The following PARD3 variants were observed in gnomAD, a reference collection of about 807,000 sequenced individuals.
The protein encoded by PARD3 is partitioning defective 3 homolog.
Under a neutral mutation model 155.4 loss-of-function variants are expected in PARD3, and 75 were observed. That is an observed-to-expected ratio of 0.48 (90% CI 0.40 to 0.58). The LOEUF (loss-of-function observed/expected upper bound fraction) is 0.58. Ranked by LOEUF, PARD3 falls within the 20% of genes least tolerant of loss-of-function variation. PARD3 has a pLI of 0.00. For missense variants in PARD3, 1,642 were observed against 1,721.7 expected, an observed-to-expected ratio of 0.95 and a Z score of 0.82; for synonymous variants, 576 against 610.5, an observed-to-expected ratio of 0.94 and a Z score of 0.83.
chr10:34,663,270 C>A (rs1299033028), intron 2 of PARD3, among the ~76,000 whole-genome samples: 4 of 152,044 alleles, frequency 2.6e-5, no homozygotes, highest in Non-Finnish European at 5.9e-5. Context: ...TCAAGACCAG[C>A]CCGGGCAACA....
chr10:34,618,512 C>T (rs2091419085), intron 2 of PARD3, among the ~76,000 whole-genome samples: 1 of 152,018 alleles, frequency 6.6e-6, no homozygotes. Flanking sequence ...AAAGTGACAT[C>T]TCCAAAAACA....
At chr10:34,756,475 T>TAA (rs1491173886) in intron 1 of PARD3, among the ~76,000 whole-genome samples, 2 of 83,770 alleles carry the variant, frequency 2.4e-5, no homozygotes, top group African/African-American at 4.5e-5. Flanking sequence ...TTTTTTTTCT[T>TAA]ATAAAAAAAA....
intron 16 of PARD3, among the ~76,000 whole-genome samples, chr10:34,339,548 C>T: frequency 6.6e-6 from 1 of 152,190 alleles, no homozygotes; most frequent in East Asian, 1.9e-4. Flanking sequence ...TTTATATCCT[C>T]TAAAATTATG....
chr10:34,119,732 T>G lies in PARD3; in HGVS notation c.3549A>C (p.Ala1183=). ...TYSFEQPWPN[A]RPATQSGRHS... is the part of the protein sequence containing the mutation. ...GTCGCCCGCTCTGCGTCGCCGGCCGTGCGTTCGGCTGGAAGAGGAAAATAC... is the reference window on the plus strand; with the variant it reads ...GTCGCCCGCTCTGCGTCGCCGGCCGGGCGTTCGGCTGGAAGAGGAAAATAC... The change falls in exon 24 of 25, where the codon GCA becomes GCC. Residue 1183 remains alanine (A), a synonymous_variant. Coordinates refer to ENST00000374788, the MANE Select transcript of PARD3 (RefSeq NM_001184785.2). 1 of 1,610,976 alleles carries G rather than the reference T, an allele frequency of 6.2e-7. No homozygotes were observed. Among genetic ancestry groups the G allele is most frequent in the Non-Finnish European group, 8.5e-7 (1 of 1,177,880 alleles).
chr10:34,489,203 T>C (rs568725480), intron 3 of PARD3, among the ~76,000 whole-genome samples: 2 of 152,216 alleles, frequency 1.3e-5, no homozygotes, highest in East Asian at 3.9e-4. Flanking sequence ...TTGGGCGTGG[T>C]GGTGCATGCC....
At chr10:34,450,092 T>G (rs1408606396) in intron 5 of PARD3, among the ~76,000 whole-genome samples, 1 of 152,214 alleles carries the variant, frequency 6.6e-6, no homozygotes, top group East Asian at 1.9e-4. Flanking sequence ...CAGAATGTAC[T>G]GCAAATATTC....
intron 2 of PARD3, among the ~76,000 whole-genome samples, chr10:34,538,370 G>A (rs1021357122): frequency 5.3e-5 from 8 of 152,204 alleles, no homozygotes; most frequent in Non-Finnish European, 1.0e-4. Context: ...AAATTTACCA[G>A]CTGAAATCCT....
intron 5 of PARD3, among the ~76,000 whole-genome samples, chr10:34,431,075 A>T (rs539316664): frequency 6.6e-6 from 1 of 152,336 alleles, no homozygotes; most frequent in East Asian, 1.9e-4. Context: ...TGACCATTTT[A>T]GCCCAGGTTG....
intron 7 of PARD3, among the ~76,000 whole-genome samples, chr10:34,393,045 A>AT (rs988036957): frequency 7.9e-5 from 12 of 151,812 alleles, no homozygotes; most frequent in African/African-American, 2.7e-4. Flanking sequence ...TTTCTGGGCC[A>AT]TGATGCCTAA....
chr10:34,333,399 C>G (rs931014923), intron 18 of PARD3, among the ~76,000 whole-genome samples: 1 of 151,950 alleles, frequency 6.6e-6, no homozygotes, highest in Non-Finnish European at 1.5e-5. Context: ...AAGTATAATT[C>G]GATAAACGAT....
intron 7 of PARD3, among the ~76,000 whole-genome samples, chr10:34,390,570 C>A (rs938486727): frequency 2.0e-5 from 3 of 152,112 alleles, no homozygotes; most frequent in Admixed American, 6.5e-5. Flanking sequence ...CTAAGTGAGG[C>A]TAACTTGCCC....
intron 2 of PARD3, among the ~76,000 whole-genome samples, chr10:34,527,016 G>A (rs1007043201): frequency 1.3e-5 from 2 of 152,162 alleles, no homozygotes; most frequent in East Asian, 3.8e-4. Context: ...AATCAGTAGT[G>A]GAAAACTTTT....
intron 3 of PARD3, among the ~76,000 whole-genome samples, chr10:34,498,817 T>G (rs916735788): frequency 2.0e-5 from 3 of 152,112 alleles, no homozygotes; most frequent in Non-Finnish European, 2.9e-5. Flanking sequence ...AAAGCCTACA[T>G]TAATACTCAA....
At chr10:34,356,743 T>C (rs1838924586) in intron 14 of PARD3, among the ~76,000 whole-genome samples, 1 of 152,218 alleles carries the variant, frequency 6.6e-6, no homozygotes, top group Non-Finnish European at 1.5e-5. Flanking sequence ...GTACAACAGC[T>C]GAAAAATCAT....
chr10:34,715,234 C>G (rs572930201), intron 1 of PARD3, among the ~76,000 whole-genome samples: 1 of 152,026 alleles, frequency 6.6e-6, no homozygotes, highest in African/African-American at 2.4e-5. Context: ...CACACCACCA[C>G]GCCCAGCACA....
intron 12 of PARD3, among the ~76,000 whole-genome samples, chr10:34,366,771 A>T (rs1447328436): frequency 6.6e-6 from 1 of 152,138 alleles, no homozygotes; most frequent in Admixed American, 6.5e-5. Flanking sequence ...TTTTTCTTAA[A>T]TTTAAGAACC....
At chr10:34,651,066 A>T (rs546197975) in intron 2 of PARD3, among the ~76,000 whole-genome samples, 1 of 146,278 alleles carries the variant, frequency 6.8e-6, no homozygotes, top group South Asian at 2.2e-4. Context: ...ACACTGGCTC[A>T]CACTTTGGAT....
intron 20 of PARD3, among the ~76,000 whole-genome samples, chr10:34,316,386 G>C (rs571946589): frequency 2.0e-5 from 3 of 152,172 alleles, no homozygotes; most frequent in Non-Finnish European, 4.4e-5. Flanking sequence ...TGTAAAAAAT[G>C]ATATGCTAAG....
chr10:34,338,337 C>A (rs536961216), intron 16 of PARD3, among the ~76,000 whole-genome samples: 1 of 152,308 alleles, frequency 6.6e-6, no homozygotes, highest in East Asian at 1.9e-4. Flanking sequence ...AATCTGTGAA[C>A]ACATTCTAAA....
Sources: allele counts gnomAD v4.1 joint callset (sites outside exome capture counted in the v4.1 genomes callset), GRCh38; gene constraint gnomAD v4.1.1; transcripts MANE v1.5; gene names NCBI Gene and HGNC (gene_info 2026-07-23, HGNC 2026-07-21).